Variants in IER3IP1 observed in about 807,000 individuals in gnomAD.
The protein encoded by IER3IP1 is immediate early response 3-interacting protein 1.
In IER3IP1, 16 loss-of-function variants were observed where a neutral mutation model predicts 12.2. The observed-to-expected ratio is 1.31, with a 90% confidence interval of 0.89 to 1.99. IER3IP1 has a LOEUF of 1.99. Ranked by LOEUF, IER3IP1 falls within the 30% of genes most tolerant of loss-of-function variation. IER3IP1 has a pLI of 0.00. For missense variants in IER3IP1, 95 were observed against 95.8 expected (o/e 0.99, Z 0.03); for synonymous variants, 42 against 40.0 (o/e 1.05, Z -0.19).
At chr18:47,160,512 C>G (rs1005873105) in intron 1 of IER3IP1, among the ~76,000 whole-genome samples, 2 of 152,198 alleles carry the variant, frequency 1.3e-5, no homozygotes, top group African/African-American at 4.8e-5. Context: ...TTCACCACTG[C>G]AGCATCTGGT....
chr18:47,157,326 G>C, intron 2 of IER3IP1, 110 bp downstream of exon 2: 1 of 834,898 alleles, frequency 1.2e-6, no homozygotes, highest in Non-Finnish European at 1.9e-6. Context: ...ATGTTAAAGA[G>C]AAAAAAAATT....
At chr18:47,170,865 G>A (rs1308201456) in intron 1 of IER3IP1, among the ~76,000 whole-genome samples, 2 of 151,982 alleles carry the variant, frequency 1.3e-5, no homozygotes, top group African/African-American at 2.4e-5. Flanking sequence ...TAATCTGGAT[G>A]TCTTTTCTTT....
intron 1 of IER3IP1, among the ~76,000 whole-genome samples, chr18:47,158,601 C>T (rs979537688): frequency 1.3e-5 from 2 of 151,882 alleles, no homozygotes; most frequent in South Asian, 2.1e-4. Context: ...TTTGGCCTCC[C>T]GGATTACAGG....
Position 47,154,121 on chromosome 18 carries a change from A to C in IER3IP1, c.*2056T>G, listed in dbSNP as rs1408456634. 6.6e-6 allele frequency: 1 copy of C among 152,298 alleles called. No individual in the cohort carries two copies. 9.4% of individuals were successfully genotyped at this position (152,298 alleles called of 1,614,324 possible). A position where few individuals can be genotyped will look rare whatever the true frequency, so the allele number is the denominator to read the frequency against. On this transcript the variant is annotated 3_prime_UTR_variant, in exon 3 of 3. Transcript: ENST00000256433. ...GACTATAAACATCATCGGTATTTGG[A>C]GTCCAGAATCATCACAAATTGTTAA...
intron 1 of IER3IP1, among the ~76,000 whole-genome samples, chr18:47,163,302 A>G (rs945214549): frequency 6.6e-6 from 1 of 152,200 alleles, no homozygotes; most frequent in Non-Finnish European, 1.5e-5. Flanking sequence ...CTGATAACCA[A>G]GACAACTGCT....
At chr18:47,169,318 C>T (rs2064007540) in intron 1 of IER3IP1, among the ~76,000 whole-genome samples, 1 of 152,130 alleles carries the variant, frequency 6.6e-6, no homozygotes, top group Non-Finnish European at 1.5e-5. Flanking sequence ...TAGATATCTA[C>T]AGTTTAGTCA....
chr18:47,176,227 G>C lies in IER3IP1; in HGVS notation c.51C>G (p.Asn17Lys). 6.2e-6 allele frequency: 10 copies of C among 1,608,610 alleles called. No homozygotes were observed. The highest frequency in any genetic ancestry group is 7.6e-6 in the Non-Finnish European group (9 of 1,177,916). ...SLLQAALLCV[N>K]AIAVLHEERF... is the part of the protein sequence containing the mutation. The stretch of plus-strand genomic sequence containing the variant: ...GCTCCTCGTGCAGCACTGCGATGGC[G>C]TTGACGCAGAGCAGGGCTGCCTGCA... The change falls in exon 1 of 3, where the codon AAC (asparagine) becomes AAG (lysine). Residue 17 changes from asparagine (N) to lysine (K), a missense_variant. By Grantham distance (94) the Asn-to-Lys change is moderately conservative. Coordinates refer to ENST00000256433, the MANE Select transcript of IER3IP1 (RefSeq NM_016097.5).
rs527511529 is a variant in IER3IP1 at position 47,170,639 on chromosome 18, C to T, written c.91+5548G>A. 2.7e-3 allele frequency among the ~76,000 whole-genome samples: 410 copies of T among 152,118 alleles called. 2 individuals carry two copies. The highest frequency in any genetic ancestry group is 5.4e-3 in the Admixed American group (82 of 15,300). ...TTAAATTTATTCCTAAGTATTTCAT[C>T]CTTCTTAATATTGTAAATAAAATTA... On this transcript the variant is annotated intron_variant, in intron 1 of 2. Coordinates refer to ENST00000256433, the MANE Select transcript of IER3IP1 (RefSeq NM_016097.5).
intron 1 of IER3IP1, among the ~76,000 whole-genome samples, chr18:47,166,028 G>A (rs938449721): frequency 1.3e-5 from 2 of 152,142 alleles, no homozygotes; most frequent in East Asian, 1.9e-4. Context: ...TGTCAAACTG[G>A]TACTGGATAA....
rs970537953 is a variant in IER3IP1 at position 47,153,437 on chromosome 18, A to G, written c.*2740T>C. On this transcript the variant is annotated 3_prime_UTR_variant, in exon 3 of 3. Transcript: ENST00000256433. ...TTACTTTTTTAACTTTTAGGGGTACAGTACATTTGTTAAATAGGTAAACTT... is the reference window on the plus strand; with the variant it reads ...TTACTTTTTTAACTTTTAGGGGTACGGTACATTTGTTAAATAGGTAAACTT... 1 of 150,708 alleles carries G rather than the reference A, an allele frequency of 6.6e-6. No individual in the cohort carries two copies. Among genetic ancestry groups the G allele is most frequent in the Admixed American group, 6.6e-5 (1 of 15,054 alleles). The allele number at this position is 150,708 out of a possible 1,614,324, so 9.3% of individuals were successfully genotyped here. A position where few individuals can be genotyped will look rare whatever the true frequency, so the allele number is the denominator to read the frequency against.
intron 1 of IER3IP1, among the ~76,000 whole-genome samples, chr18:47,171,072 A>AT (rs60947975): frequency 0.34 from 50,946 of 149,878 alleles, 8,699 homozygotes; most frequent in Non-Finnish European, 0.37. Context: ...TTTGTTGAGT[A>AT]TTTTTTTTTT....
At position 47,153,207 on chromosome 18, in the gene IER3IP1, G is replaced by A. The variant is rs539850250; in HGVS notation, c.*2970C>T. 2 of 152,294 alleles carry A rather than the reference G, an allele frequency of 1.3e-5. No individual in the cohort carries two copies. The highest frequency in any genetic ancestry group is 4.8e-5 in the African/African-American group (2 of 41,536). 9.4% of individuals were successfully genotyped at this position (152,294 alleles called of 1,614,324 possible). ...AGGATTTTGATGGGGAGAGGAAGGT[G>A]GGGGAACTCATTTAGCTTTTTATTT... On this transcript the variant is annotated 3_prime_UTR_variant, in exon 3 of 3. Transcript: ENST00000256433.
intron 1 of IER3IP1, among the ~76,000 whole-genome samples, chr18:47,174,069 G>C (rs944793353): frequency 6.6e-6 from 1 of 152,180 alleles, no homozygotes; most frequent in East Asian, 1.9e-4. Flanking sequence ...TAGGTATCAA[G>C]GGTTGGGACT....
At chr18:47,161,781 T>C (rs2063980710) in intron 1 of IER3IP1, among the ~76,000 whole-genome samples, 1 of 151,936 alleles carries the variant, frequency 6.6e-6, no homozygotes, top group Non-Finnish European at 1.5e-5. Context: ...TATTATTACA[T>C]TGTAATACAT....
chr18:47,160,647 A>T (rs2063977055), intron 1 of IER3IP1, among the ~76,000 whole-genome samples: 1 of 152,112 alleles, frequency 6.6e-6, no homozygotes, highest in South Asian at 2.1e-4. Flanking sequence ...AAACACACTA[A>T]TCCCTTCCCC....
At chr18:47,160,688 G>C (rs1483155205) in intron 1 of IER3IP1, among the ~76,000 whole-genome samples, 3 of 152,094 alleles carry the variant, frequency 2.0e-5, no homozygotes, top group Non-Finnish European at 4.4e-5. Flanking sequence ...TCAACATTCA[G>C]GATTTTAATC....
intron 1 of IER3IP1, among the ~76,000 whole-genome samples, 174 bp downstream of exon 1, chr18:47,176,013 T>G (rs1261515266): frequency 6.6e-6 from 1 of 151,994 alleles, no homozygotes; most frequent in African/African-American, 2.4e-5. Context: ...TTGAATATTC[T>G]CCCGGCTGTT....
intron 1 of IER3IP1, among the ~76,000 whole-genome samples, chr18:47,161,651 A>G (rs184365232): frequency 6.6e-6 from 1 of 152,062 alleles, no homozygotes; most frequent in East Asian, 1.9e-4. Flanking sequence ...GCAGTCCCCA[A>G]CCTTTGTGGC....
At chr18:47,169,712 C>A (rs1440411876) in intron 1 of IER3IP1, among the ~76,000 whole-genome samples, 1 of 151,726 alleles carries the variant, frequency 6.6e-6, no homozygotes, top group Non-Finnish European at 1.5e-5. Flanking sequence ...TAATGTTGAC[C>A]ATCTATTCAT....
Sources: allele counts gnomAD v4.1 joint callset (sites outside exome capture counted in the v4.1 genomes callset), GRCh38; gene constraint gnomAD v4.1.1; transcripts MANE v1.5; gene names NCBI Gene and HGNC (gene_info 2026-07-23, HGNC 2026-07-21).